EYS: variants seen among roughly 807,000 people sequenced by gnomAD.
EYS encodes the protein EGF-like photoreceptor maintenance factor.
Under a neutral mutation model 282.1 loss-of-function variants are expected in EYS, and 250 were observed. The observed-to-expected ratio is 0.89, with a 90% CI of 0.80 to 0.98. The LOEUF (loss-of-function observed/expected upper bound fraction) is 0.98. Ranked by LOEUF, EYS falls within the 50% of genes least tolerant of loss-of-function variation. The probability of loss-of-function intolerance (pLI) is 0.00; values close to 1 mark genes in which losing one functional copy is unlikely to be tolerated. For synonymous variants in EYS, 1,355 were observed against 1,282.9 expected (o/e 1.06, Z -1.20); for missense variants, 4,016 against 3,709.0 (o/e 1.08, Z -2.15).
chr6:64,208,189 G>C (rs537314000), intron 31 of EYS, among the ~76,000 whole-genome samples: 1 of 152,184 alleles, frequency 6.6e-6, no homozygotes, highest in Non-Finnish European at 1.5e-5. Context: ...ATCTCTGTGA[G>C]AATTCTGTGT....
intron 31 of EYS, among the ~76,000 whole-genome samples, chr6:64,118,431 T>C (rs554351683): frequency 6.6e-6 from 1 of 152,012 alleles, no homozygotes; most frequent in Non-Finnish European, 1.5e-5. Context: ...AGAATATAAA[T>C]TGGGGAAAGG....
intron 11 of EYS, chr6:65,329,818 A>T (rs1769730747): frequency 1.0e-6 from 1 of 983,000 alleles, no homozygotes; most frequent in Non-Finnish European, 1.2e-6. Flanking sequence ...TATTCACATA[A>T]AGCTCTATTT....
intron 26 of EYS, among the ~76,000 whole-genome samples, chr6:64,497,153 T>C (rs2150509505): frequency 6.6e-6 from 1 of 152,234 alleles, no homozygotes; most frequent in Non-Finnish European, 1.5e-5. Flanking sequence ...TTCAAAATAC[T>C]ATTTGTTTTG....
At chr6:65,381,847 A>G (rs1765625051) in intron 8 of EYS, among the ~76,000 whole-genome samples, 1 of 151,990 alleles carries the variant, frequency 6.6e-6, no homozygotes, top group African/African-American at 2.4e-5. Flanking sequence ...TCTTAATTTT[A>G]AGAATTTTAA....
chr6:63,890,657 T>C (rs936499769), intron 35 of EYS, among the ~76,000 whole-genome samples: 16 of 152,094 alleles, frequency 1.1e-4, no homozygotes, highest in East Asian at 9.6e-4. Flanking sequence ...GGATCTAAAA[T>C]CGACACCCTA....
chr6:65,705,301 A>T (rs2149855634), intron 1 of EYS, among the ~76,000 whole-genome samples: 1 of 152,286 alleles, frequency 6.6e-6, no homozygotes, highest in East Asian at 1.9e-4. Flanking sequence ...ATAGAGGAAA[A>T]TTTATTCATG....
chr6:64,568,961 G>C (rs1258343090), intron 26 of EYS, among the ~76,000 whole-genome samples: 1 of 129,236 alleles, frequency 7.7e-6, no homozygotes, highest in African/African-American at 3.0e-5. Context: ...CGCCCACACA[G>C]AAACCCCATC....
intron 15 of EYS, among the ~76,000 whole-genome samples, chr6:64,919,198 G>A (rs1446724517): frequency 6.6e-6 from 1 of 151,976 alleles, no homozygotes; most frequent in Non-Finnish European, 1.5e-5. Context: ...TTGAGATGGA[G>A]TCTCACTCTG....
chr6:64,709,029 C>CGTGT (rs1771121929), intron 22 of EYS, among the ~76,000 whole-genome samples: 2 of 152,080 alleles, frequency 1.3e-5, no homozygotes, highest in South Asian at 4.1e-4. Context: ...TACACACACA[C>CGTGT]ACACACACAG....
At chr6:65,068,597 A>G (rs1773816495) in intron 12 of EYS, among the ~76,000 whole-genome samples, 1 of 152,040 alleles carries the variant, frequency 6.6e-6, no homozygotes, top group African/African-American at 2.4e-5. Flanking sequence ...TGTGAGTTCC[A>G]GGTGGGACTA....
intron 31 of EYS, among the ~76,000 whole-genome samples, chr6:64,123,498 A>G (rs1312544065): frequency 6.6e-6 from 1 of 152,232 alleles, no homozygotes; most frequent in Non-Finnish European, 1.5e-5. Context: ...TTTGTGCATA[A>G]GAAAGACTGC....
At chr6:65,077,134 G>C (rs1044842002) in intron 12 of EYS, among the ~76,000 whole-genome samples, 1 of 152,048 alleles carries the variant, frequency 6.6e-6, no homozygotes, top group Non-Finnish European at 1.5e-5. Context: ...CACAACTCTG[G>C]AGTGCCTGAT....
chr6:64,267,670 A>G (rs780503138), intron 30 of EYS, among the ~76,000 whole-genome samples: 2 of 152,146 alleles, frequency 1.3e-5, no homozygotes, highest in Non-Finnish European at 2.9e-5. Context: ...GAACTAATAA[A>G]TTTGACTAAA....
At chr6:64,819,727 G>A (rs1373594925) in intron 21 of EYS, among the ~76,000 whole-genome samples, 1 of 151,844 alleles carries the variant, frequency 6.6e-6, no homozygotes, top group Non-Finnish European at 1.5e-5. Flanking sequence ...GAAGAAAAAG[G>A]TAAAGAAAAA....
intron 13 of EYS, among the ~76,000 whole-genome samples, chr6:65,038,148 A>G (rs1772826486): frequency 6.6e-6 from 1 of 151,646 alleles, no homozygotes; most frequent in African/African-American, 2.4e-5. Context: ...AAATGTACAC[A>G]TAAGTGCATA....
At chr6:65,674,365 G>A (rs1238490088) in intron 1 of EYS, among the ~76,000 whole-genome samples, 1 of 141,580 alleles carries the variant, frequency 7.1e-6, no homozygotes, top group Non-Finnish European at 1.5e-5. Context: ...GACAAAGAGA[G>A]GATTTTAAAA....
intron 31 of EYS, 132 bp from the exon 32 acceptor site, chr6:64,082,134 T>A (rs1009556261): frequency 8.6e-6 from 5 of 581,968 alleles, no homozygotes; most frequent in Non-Finnish European, 1.5e-5. Context: ...GGTCCAATTT[T>A]AAGAACTTTA....
At chr6:65,183,626 TA>T (rs1454275806) in intron 12 of EYS, among the ~76,000 whole-genome samples, 1 of 151,914 alleles carries the variant, frequency 6.6e-6, no homozygotes, top group East Asian at 1.9e-4. Context: ...TCTTGTTTAA[TA>T]TTTTTTCTTC....
chr6:64,910,117 C>A (rs2150075551), intron 16 of EYS, among the ~76,000 whole-genome samples: 1 of 152,252 alleles, frequency 6.6e-6, no homozygotes, highest in African/African-American at 2.4e-5. Flanking sequence ...CAAACACCAA[C>A]AACTTACAAA....
Sources: allele counts gnomAD v4.1 joint callset (sites outside exome capture counted in the v4.1 genomes callset), GRCh38; gene constraint gnomAD v4.1.1; transcripts MANE v1.5; gene names NCBI Gene and HGNC (gene_info 2026-07-23, HGNC 2026-07-21).